Variants in CSNK2A2IP observed in about 807,000 individuals in gnomAD.
CSNK2A2IP encodes casein kinase 2 subunit alpha' interacting protein.
the CSNK2A2IP span, among the ~76,000 whole-genome samples, chr3:88,455,773 C>G: frequency 6.6e-6 from 1 of 151,906 alleles, no homozygotes; most frequent in Non-Finnish European, 1.5e-5. Flanking sequence ...AAAATCATTA[C>G]TAAAACTAAC....
At chr3:88,370,422 C>A in the CSNK2A2IP span, among the ~76,000 whole-genome samples, 1 of 151,724 alleles carries the variant, frequency 6.6e-6, no homozygotes, top group Non-Finnish European at 1.5e-5. Context: ...GTAATTTTTG[C>A]GTAAGATCTC....
the CSNK2A2IP span, among the ~76,000 whole-genome samples, chr3:88,369,316 T>TTGTG: frequency 1.6e-3 from 247 of 150,812 alleles, 1 homozygote; most frequent in African/African-American, 5.4e-3. Flanking sequence ...ATTTGCAAGT[T>TTGTG]TGTGTGTGTG....
At chr3:88,383,327 CTGTT>C in the CSNK2A2IP span, among the ~76,000 whole-genome samples, 1 of 152,154 alleles carries the variant, frequency 6.6e-6, no homozygotes, top group South Asian at 2.1e-4. Context: ...CCATCGTTCA[CTGTT>C]TGTGAAATGT....
At chr3:88,381,923 A>T in the CSNK2A2IP span, among the ~76,000 whole-genome samples, 1 of 152,194 alleles carries the variant, frequency 6.6e-6, no homozygotes, top group Non-Finnish European at 1.5e-5. Context: ...TGTGTCAATC[A>T]TACATCAATA....
At chr3:88,452,213 C>G in the CSNK2A2IP span, among the ~76,000 whole-genome samples, 2 of 151,412 alleles carry the variant, frequency 1.3e-5, no homozygotes, top group Non-Finnish European at 2.9e-5. Flanking sequence ...CATCCTATGC[C>G]CCTGTCATAA....
At chr3:88,407,352 T>C in the CSNK2A2IP span, among the ~76,000 whole-genome samples, 4 of 151,628 alleles carry the variant, frequency 2.6e-5, no homozygotes, top group Admixed American at 2.6e-4. Context: ...GCATATCTTG[T>C]AACATTTAGT....
At chr3:88,359,043 T>TC in the CSNK2A2IP span, among the ~76,000 whole-genome samples, 3 of 151,944 alleles carry the variant, frequency 2.0e-5, no homozygotes, top group South Asian at 6.2e-4. Flanking sequence ...CGTGCTCTTT[T>TC]TTTTTGTAAG....
the CSNK2A2IP span, among the ~76,000 whole-genome samples, chr3:88,368,401 G>A: frequency 6.6e-6 from 1 of 152,040 alleles, no homozygotes; most frequent in South Asian, 2.1e-4. Flanking sequence ...ATTTTAGTTA[G>A]GCTGGTTGGA....
the CSNK2A2IP span, among the ~76,000 whole-genome samples, chr3:88,448,024 T>C: frequency 6.6e-6 from 1 of 152,214 alleles, no homozygotes; most frequent in Non-Finnish European, 1.5e-5. Flanking sequence ...TCTTTATACC[T>C]AAAATATTGT....
the CSNK2A2IP span, among the ~76,000 whole-genome samples, chr3:88,345,477 A>C: frequency 2.0e-5 from 3 of 151,994 alleles, no homozygotes; most frequent in Admixed American, 6.6e-5. Flanking sequence ...AGCATTGAGA[A>C]GTCTATCAGT....
chr3:88,344,814 C>T, the CSNK2A2IP span, among the ~76,000 whole-genome samples: 1 of 151,802 alleles, frequency 6.6e-6, no homozygotes, highest in African/African-American at 2.4e-5. Context: ...ACCTTAAACA[C>T]CCAGGAAATT....
chr3:88,439,035 T>TCA, the CSNK2A2IP span, among the ~76,000 whole-genome samples: 2 of 152,306 alleles, frequency 1.3e-5, no homozygotes, highest in East Asian at 1.9e-4. Flanking sequence ...TCTCTAGCAT[T>TCA]GTGGTTCCCG....
At chr3:88,411,383 A>ATCTATCTATCTATCTATCTG in the CSNK2A2IP span, among the ~76,000 whole-genome samples, 233 of 55,060 alleles carry the variant, frequency 4.2e-3, 5 homozygotes, top group African/African-American at 9.8e-3. Flanking sequence ...CTATCTGTCT[A>ATCTATCTATCTATCTATCTG]TCTATCTATC....
At chr3:88,438,264 A>ATACTTT in the CSNK2A2IP span, among the ~76,000 whole-genome samples, 7 of 152,168 alleles carry the variant, frequency 4.6e-5, no homozygotes, top group African/African-American at 1.7e-4. Context: ...TCAAAAGATA[A>ATACTTT]TACTTTAAAG....
At chr3:88,456,496 A>T in the CSNK2A2IP span, among the ~76,000 whole-genome samples, 1 of 151,538 alleles carries the variant, frequency 6.6e-6, no homozygotes, top group Non-Finnish European at 1.5e-5. Context: ...TTTTTTGGAC[A>T]GTTTGCTGTT....
At chr3:88,454,994 T>C in the CSNK2A2IP span, among the ~76,000 whole-genome samples, 1 of 151,946 alleles carries the variant, frequency 6.6e-6, no homozygotes, top group South Asian at 2.1e-4. Flanking sequence ...TTTGTCTTTC[T>C]GAGTCTGTCT....
chr3:88,408,617 T>G, the CSNK2A2IP span, among the ~76,000 whole-genome samples: 1 of 152,038 alleles, frequency 6.6e-6, no homozygotes, highest in East Asian at 1.9e-4. Flanking sequence ...TAACATAAAG[T>G]ACTCTATTAA....
chr3:88,371,396 T>G, the CSNK2A2IP span, among the ~76,000 whole-genome samples: 1 of 151,654 alleles, frequency 6.6e-6, no homozygotes, highest in Non-Finnish European at 1.5e-5. Context: ...ATTTTAAAAT[T>G]GAAGATTACC....
the CSNK2A2IP span, among the ~76,000 whole-genome samples, chr3:88,389,795 T>A: frequency 6.6e-6 from 1 of 150,880 alleles, no homozygotes. Context: ...GAGTGCATGG[T>A]GGTGGAAGTA....
Sources: allele counts gnomAD v4.1 joint callset (sites outside exome capture counted in the v4.1 genomes callset), GRCh38; gene constraint gnomAD v4.1.1; transcripts MANE v1.5; gene names NCBI Gene and HGNC (gene_info 2026-07-23, HGNC 2026-07-21).